Variants in HIP1R observed in about 807,000 individuals in gnomAD.
The protein encoded by HIP1R is huntingtin-interacting protein 1-related protein.
A neutral mutation model predicts 144.2 loss-of-function variants in HIP1R; 135 were observed. That is an observed-to-expected ratio of 0.94 (90% CI 0.81 to 1.08). The LOEUF (loss-of-function observed/expected upper bound fraction) is 1.08, where lower values mean the gene tolerates loss of function less well. HIP1R is among the 50% of genes least tolerant of loss of function. HIP1R has a pLI of 0.00. For missense variants in HIP1R, 1,462 were observed against 1,432.8 expected, an observed-to-expected ratio of 1.02 and a Z score of -0.33; for synonymous variants, 698 against 612.8, an observed-to-expected ratio of 1.14 and a Z score of -2.05.
chr12:122,859,734 T>G (rs751980589), intron 23 of HIP1R, 38 bp from the exon 24 acceptor site: 1 of 1,605,362 alleles, frequency 6.2e-7, no homozygotes, highest in Non-Finnish European at 8.5e-7. Flanking sequence ...CACGGTCCCC[T>G]CCTCCCAGCC....
rs777290277 is a variant in HIP1R, at chr12:122,848,420, C to T, written c.158-46C>T. The T allele has an allele frequency of 8.3e-6, 13 of 1,568,752 alleles. No homozygotes were observed. In the East Asian group the frequency reaches 1.1e-4, roughly 14 times the overall value. The stretch of plus-strand genomic sequence containing the variant: ...CCTCTCTCAGCCGGGTTTGCTGAGC[C>T]CCCGTGCTCCAGTCTCTGCTTCCAC... On this transcript the variant is annotated intron_variant, in intron 2 of 31. Coordinates refer to ENST00000253083, the MANE Select transcript of HIP1R (RefSeq NM_003959.3).
chr12:122,854,255 G>T, intron 8 of HIP1R, 72 bp downstream of exon 8: 2 of 1,281,054 alleles, frequency 1.6e-6, no homozygotes. Flanking sequence ...TGTCAAAAAG[G>T]AAAATCGAAA....
intron 7 of HIP1R, 27 bp from the exon 8 acceptor site, chr12:122,854,016 G>A (rs374446085): frequency 2.4e-5 from 39 of 1,608,652 alleles, no homozygotes; most frequent in Middle Eastern, 1.7e-4. Flanking sequence ...AAGGGCTCAC[G>A]TTCTTCCTCC....
In HIP1R at chr12:122,856,073, G is replaced by A. The variant is rs373990390; in HGVS notation, c.1222G>A (p.Asp408Asn). The A allele has an allele frequency of 1.3e-6, 2 of 1,589,502 alleles. No individual in the cohort carries two copies. Among genetic ancestry groups the A allele is most frequent in the Non-Finnish European group, 1.7e-6 (2 of 1,168,388 alleles). The change falls in exon 14 of 32, where the codon GAT (aspartate) becomes AAT (asparagine). Residue 408 changes from aspartate (D) to asparagine (N), a missense_variant. Asp to Asn is a conservative substitution (Grantham distance 23). This residue lies in a region of HIP1R where 1,112 missense variants were observed against 1,011.7 expected (regional missense o/e 1.10). Transcript: ENST00000253083. ...QRKQKQKALV[D>N]NEQLRHELAQ... ...GAAGCAGAAGCAGAAGGCCCTGGTGGATAATGAGCAGCTCCGCCACGAGCT... is the reference window on the plus strand; with the variant it reads ...GAAGCAGAAGCAGAAGGCCCTGGTGAATAATGAGCAGCTCCGCCACGAGCT...
upstream of HIP1R, chr12:122,835,419 AGGCGGGCTCCTCCCC>A: frequency 8.4e-6 from 9 of 1,067,918 alleles, no homozygotes; most frequent in Non-Finnish European, 1.0e-5. Flanking sequence ...GGGCGGGGCG[AGGCGGGCTCCTCCCC>A]GGCGGGCGGG....
chr12:122,848,519 G>A lies in HIP1R; in HGVS notation c.211G>A (p.Ala71Thr). Residue 71 changes from alanine (A) to threonine (T), a missense_variant, in exon 3 of 32, where the codon GCC (alanine) becomes ACC (threonine). Ala to Thr is a moderately conservative substitution (Grantham distance 58). Coordinates refer to ENST00000253083, the MANE Select transcript of HIP1R (RefSeq NM_003959.3). ...GGGGGCTTTCACCTTCTGGTCCTACGCCATTGGGCTGCCGCTGCCCAGCAG... is the reference window on the plus strand; with the variant it reads ...GGGGGCTTTCACCTTCTGGTCCTACACCATTGGGCTGCCGCTGCCCAGCAG... ...EKGAFTFWSY[A>T]IGLPLPSSSI... 1 of 1,613,304 alleles carries A rather than the reference G, an allele frequency of 6.2e-7. No homozygotes were observed. Among genetic ancestry groups the A allele is most frequent in the South Asian group, 1.1e-5 (1 of 91,082 alleles).
chr12:122,848,135 A>T, intron 2 of HIP1R, 41 bp downstream of exon 2: 1 of 1,600,464 alleles, frequency 6.2e-7, no homozygotes. Flanking sequence ...TTGGGTGTGG[A>T]TGTGGGAGCA....
At position 122,858,386 on chromosome 12, in the gene HIP1R, C is replaced by T. The variant is rs748818973; in HGVS notation, c.2001C>T (p.Ala667=). 3.7e-5 allele frequency: 60 copies of T among 1,610,984 alleles called. No homozygotes were observed. Among genetic ancestry groups the T allele is most frequent in the Middle Eastern group, 3.3e-4 (2 of 6,072 alleles). ...GCAGGGCCCAGGAGGCCTTGGATGC[C>T]GTGAGCACCCTGGAGGAGGGCCACG... The part of the protein sequence containing the change: ...LVSRAQEALD[A]VSTLEEGHAQ... Residue 667 remains alanine, a synonymous_variant, in exon 20 of 32, where the codon GCC becomes GCT. Transcript: ENST00000253083.
intron 7 of HIP1R, 138 bp downstream of exon 7, chr12:122,851,435 C>T (rs2033391614): frequency 3.2e-6 from 2 of 629,754 alleles, no homozygotes; most frequent in Non-Finnish European, 4.9e-6. Flanking sequence ...CAGTGGCTCA[C>T]ATCTGTAATC....
At chr12:122,851,364 G>T in intron 7 of HIP1R, 67 bp downstream of exon 7, 1 of 1,330,288 alleles carries the variant, frequency 7.5e-7, no homozygotes, top group South Asian at 1.5e-5. Context: ...GGGACGAGAA[G>T]AAAAAAGAAG....
chr12:122,851,356 G>C, intron 7 of HIP1R, 59 bp downstream of exon 7: 1 of 1,388,986 alleles, frequency 7.2e-7, no homozygotes, highest in Non-Finnish European at 9.6e-7. Context: ...CCAGAGATGG[G>C]ACGAGAAGAA....
chr12:122,859,878 G>A (rs752267914), intron 24 of HIP1R, 48 bp downstream of exon 24: 57 of 1,578,712 alleles, frequency 3.6e-5, no homozygotes, highest in Middle Eastern at 1.7e-4. Context: ...TGGGCTCCCC[G>A]TGGCCCCTAA....
chr12:122,851,897 G>T (rs1012344148), intron 7 of HIP1R, among the ~76,000 whole-genome samples: 19 of 152,202 alleles, frequency 1.2e-4, no homozygotes, highest in African/African-American at 4.3e-4. Context: ...GAGCCACCTT[G>T]CCAGGTTCCT....
chr12:122,852,135 G>A (rs2033419775), intron 7 of HIP1R, among the ~76,000 whole-genome samples: 2 of 152,230 alleles, frequency 1.3e-5, no homozygotes, highest in African/African-American at 4.8e-5. Flanking sequence ...TCCATAAGAG[G>A]GCAAGAAGCA....
rs769472217 is a variant in HIP1R at position 122,855,987 on chromosome 12, G to A, written c.1136G>A (p.Arg379Gln). 15 of 1,587,534 alleles carry A rather than the reference G, an allele frequency of 9.4e-6. No homozygotes were observed. The highest frequency in any genetic ancestry group is 3.4e-5 in the South Asian group (3 of 87,130). Residue 379 changes from arginine to glutamine, a missense_variant, in exon 14 of 32, where the codon CGG becomes CAG. Arg to Gln is a conservative substitution (Grantham distance 43, BLOSUM62 1). Transcript: ENST00000253083. ...TCACACCTCCTCCCGCAGGCCCAGC[G>A]GTACATCGCGCAGCTGAAGAGCCAG... is the stretch of plus-strand genomic sequence containing the variant. ...ELEKIKLEAQ[R>Q]YIAQLKSQVN...
chr12:122,850,740 A>G (rs12369846), intron 5 of HIP1R, 95 bp from the exon 6 acceptor site: 320,413 of 386,102 alleles, frequency 0.83, 134,782 homozygotes, highest in Admixed American at 0.89. Context: ...GCCCTGGTTC[A>G]GTGGCCGCTG....
At position 122,848,548 on chromosome 12, in the gene HIP1R, C is replaced by T; in HGVS notation, c.240C>T (p.Ser80=). ...YAIGLPLPSS[S]ILSWKFCHVL... is the part of the protein sequence containing the mutation. Reference sequence around the variant, plus strand: ...TTGGGCTGCCGCTGCCCAGCAGCTCCATTCTCAGCTGGAAGTTCTGCCACG... The same window carrying T: ...TTGGGCTGCCGCTGCCCAGCAGCTCTATTCTCAGCTGGAAGTTCTGCCACG... Residue 80 remains serine (S), a synonymous_variant, in exon 3 of 32, where the codon TCC becomes TCT. Transcript: ENST00000253083. 6.2e-7 allele frequency: 1 copy of T among 1,613,318 alleles called. No individual in the cohort carries two copies. The highest frequency in any genetic ancestry group is 8.5e-7 in the Non-Finnish European group (1 of 1,179,996).
chr12:122,849,887 G>C lies in HIP1R; in HGVS notation c.370G>C (p.Asp124His). 6.2e-7 allele frequency: 1 copy of C among 1,613,186 alleles called. No individual in the cohort carries two copies. Among genetic ancestry groups the C allele is most frequent in the Non-Finnish European group, 8.5e-7 (1 of 1,179,636 alleles). ...TGTCTTCACACAGGGACATTTGCAT[G>C]ACCGCTACGGACAGCTGGTGAATGT... Reference protein sequence around the residue: ...EIGDLWGHLHDRYGQLVNVYT... With the variant: ...EIGDLWGHLHHRYGQLVNVYT... The change falls in exon 5 of 32, where the codon GAC (aspartate) becomes CAC (histidine). Residue 124 changes from aspartate to histidine, a missense_variant. By Grantham distance (81) the Asp-to-His change is moderately conservative (BLOSUM62 -1). Coordinates refer to ENST00000253083, the MANE Select transcript of HIP1R (RefSeq NM_003959.3).
chr12:122,835,716 G>A, intron 1 of HIP1R, 73 bp downstream of exon 1: 1 of 972,596 alleles, frequency 1.0e-6, no homozygotes, highest in Non-Finnish European at 1.2e-6. Flanking sequence ...GACCCCTCAC[G>A]CGCGAACGGC....
Sources: allele counts gnomAD v4.1 joint callset (sites outside exome capture counted in the v4.1 genomes callset), GRCh38; gene constraint gnomAD v4.1.1; regional missense constraint gnomAD v4.1.1; transcripts MANE v1.5; gene names NCBI Gene and HGNC (gene_info 2026-07-23, HGNC 2026-07-21).